GRIN3A: variants seen among roughly 807,000 people sequenced by gnomAD.
GRIN3A encodes glutamate ionotropic receptor NMDA type subunit 3A.
Under a neutral mutation model 92.4 loss-of-function variants are expected in GRIN3A, and 47 were observed. The ratio of observed to expected loss-of-function variants is 0.51; its 90% CI spans 0.40 to 0.65. The LOEUF (loss-of-function observed/expected upper bound fraction) is 0.65. GRIN3A is among the 30% of genes least tolerant of loss of function. The pLI is 0.00. For missense variants in GRIN3A, 1,324 were observed against 1,393.1 expected (o/e 0.95, Z 0.79); for synonymous variants, 527 against 540.6 (o/e 0.97, Z 0.35).
chr9:101,727,351 A>C (rs1392601895), intron 1 of GRIN3A, among the ~76,000 whole-genome samples: 1 of 152,160 alleles, frequency 6.6e-6, no homozygotes, highest in African/African-American at 2.4e-5. Context: ...TTGGTTGTGT[A>C]TTTATAGGTG....
intron 1 of GRIN3A, 51 bp downstream of exon 1, chr9:101,737,230 C>G: frequency 1.3e-6 from 2 of 1,508,402 alleles, no homozygotes; most frequent in Non-Finnish European, 9.2e-7. Context: ...ATGCAATGGC[C>G]CCGGCCCCCA....
chr9:101,735,769 T>A lies in GRIN3A; in HGVS notation c.699+1512A>T, dbSNP rs140723197. The stretch of plus-strand genomic sequence containing the variant: ...CAATTTCATGTTTATAACACTTTGG[T>A]CATTGGCAGCATTGTGTATCTGTGT... On this transcript the variant is annotated intron_variant, in intron 1 of 8. Transcript: ENST00000361820. Among the ~76,000 whole-genome samples, 304 of 151,996 alleles carry A rather than the reference T, an allele frequency of 2.0e-3. 8 individuals are homozygous for A. The Middle Eastern group carries it at 0.021, about 10-fold the overall frequency.
intron 3 of GRIN3A, among the ~76,000 whole-genome samples, chr9:101,635,130 C>G (rs1212042147): frequency 2.0e-5 from 3 of 152,146 alleles, no homozygotes; most frequent in African/African-American, 7.2e-5. Context: ...AAGCCGTCTA[C>G]GTTAGGTCAG....
At chr9:101,597,970 G>A (rs1828161637) in intron 6 of GRIN3A, among the ~76,000 whole-genome samples, 2 of 152,152 alleles carry the variant, frequency 1.3e-5, no homozygotes, top group Admixed American at 6.5e-5. Flanking sequence ...CATGAGCCAT[G>A]AGAATAATTC....
Position 101,737,729 on chromosome 9 carries a change from C to G in GRIN3A, c.251G>C (p.Gly84Ala), listed in dbSNP as rs112914306. ...AGAQRDEPEPGTRRSPAPSPG... is the reference protein window; with the variant it reads ...AGAQRDEPEPATRRSPAPSPG... ...CGAGGGCGCCGGGGACCGCCTAGTC[C>G]CTGGCTCCGGCTCATCCCTCTGGGC... The change falls in exon 1 of 9, where the codon GGG becomes GCG. Residue 84 changes from glycine (G) to alanine (A), a missense_variant. Gly to Ala is a moderately conservative substitution (Grantham distance 60). Transcript: ENST00000361820. 6.5e-7 allele frequency: 1 copy of G among 1,528,138 alleles called. No homozygotes were observed. Among genetic ancestry groups the G allele is most frequent in the African/African-American group, 1.4e-5 (1 of 72,626 alleles). The allele number at this position is 1,528,138 out of a possible 1,614,324, so 94.7% of individuals were successfully genotyped here.
chr9:101,616,833 T>A (rs1050917960), intron 5 of GRIN3A, among the ~76,000 whole-genome samples: 1 of 146,102 alleles, frequency 6.8e-6, no homozygotes. Flanking sequence ...ACGGCACATG[T>A]ATACATATGA....
At chr9:101,656,812 T>C (rs1829094627) in intron 3 of GRIN3A, among the ~76,000 whole-genome samples, 1 of 151,892 alleles carries the variant, frequency 6.6e-6, no homozygotes, top group South Asian at 2.1e-4. Context: ...AAGTCAGTGC[T>C]TGAAAATGAG....
chr9:101,711,933 G>T (rs570597567), intron 1 of GRIN3A, among the ~76,000 whole-genome samples: 4 of 152,160 alleles, frequency 2.6e-5, no homozygotes, highest in Admixed American at 6.5e-5. Context: ...GCAGGGTAAA[G>T]GTCTGAACCT....
At chr9:101,608,304 A>G (rs1046556501) in intron 6 of GRIN3A, among the ~76,000 whole-genome samples, 6 of 152,138 alleles carry the variant, frequency 3.9e-5, no homozygotes, top group African/African-American at 1.4e-4. Flanking sequence ...TGTGGGCCCA[A>G]CATTGCCTGG....
At chr9:101,615,590 C>G (rs187288982) in intron 5 of GRIN3A, among the ~76,000 whole-genome samples, 407 of 152,090 alleles carry the variant, frequency 2.7e-3, no homozygotes, top group Middle Eastern at 0.01. Flanking sequence ...TTCCTGACCT[C>G]GTGATCCACC....
intron 6 of GRIN3A, among the ~76,000 whole-genome samples, chr9:101,583,417 CG>C (rs751829665): frequency 6.6e-6 from 1 of 152,160 alleles, no homozygotes; most frequent in Non-Finnish European, 1.5e-5. Context: ...TGTAATTCAG[CG>C]GTTCCTCCCC....
chr9:101,588,391 C>T (rs1379186316), intron 6 of GRIN3A, among the ~76,000 whole-genome samples: 1 of 152,104 alleles, frequency 6.6e-6, no homozygotes. Context: ...ATTCCTCTAA[C>T]CTGGAAACTG....
At chr9:101,690,379 C>T (rs949158779) in intron 1 of GRIN3A, among the ~76,000 whole-genome samples, 3 of 152,112 alleles carry the variant, frequency 2.0e-5, no homozygotes, top group Non-Finnish European at 4.4e-5. Flanking sequence ...ATTAATTTTG[C>T]AGGTTTTGTT....
chr9:101,611,882 G>C (rs1828372956), intron 6 of GRIN3A, among the ~76,000 whole-genome samples: 1 of 152,208 alleles, frequency 6.6e-6, no homozygotes, highest in Non-Finnish European at 1.5e-5. Context: ...TCAGCTGGAA[G>C]TTTATAATAT....
At chr9:101,609,484 T>C (rs1224292219) in intron 6 of GRIN3A, among the ~76,000 whole-genome samples, 1 of 152,218 alleles carries the variant, frequency 6.6e-6, no homozygotes, top group African/African-American at 2.4e-5. Flanking sequence ...CAGCTGTTAA[T>C]AGTAGAGACA....
At chr9:101,618,380 G>T (rs1056507134) in intron 5 of GRIN3A, among the ~76,000 whole-genome samples, 1 of 151,828 alleles carries the variant, frequency 6.6e-6, no homozygotes, top group African/African-American at 2.4e-5. Flanking sequence ...TCAAAAAGTG[G>T]GCAAAGGACA....
At chr9:101,653,720 A>T (rs561356085) in intron 3 of GRIN3A, among the ~76,000 whole-genome samples, 1 of 151,736 alleles carries the variant, frequency 6.6e-6, no homozygotes, top group Non-Finnish European at 1.5e-5. Context: ...CTTTGTTTTC[A>T]CCTTCCACTT....
intron 1 of GRIN3A, among the ~76,000 whole-genome samples, chr9:101,711,063 C>T (rs574414357): frequency 1.9e-4 from 29 of 152,244 alleles, no homozygotes; most frequent in Non-Finnish European, 3.5e-4. Context: ...TCTTACTGTA[C>T]TGTACTCACC....
chr9:101,645,928 G>A (rs1277004433), intron 3 of GRIN3A, among the ~76,000 whole-genome samples: 1 of 151,276 alleles, frequency 6.6e-6, no homozygotes, highest in Non-Finnish European at 1.5e-5. Context: ...ATTTGCTTTT[G>A]TTTTGGCTAC....
Sources: allele counts gnomAD v4.1 joint callset (sites outside exome capture counted in the v4.1 genomes callset), GRCh38; gene constraint gnomAD v4.1.1; transcripts MANE v1.5; gene names NCBI Gene and HGNC (gene_info 2026-07-23, HGNC 2026-07-21).